PCDHGA1: variants seen among roughly 807,000 people sequenced by gnomAD.
The protein encoded by PCDHGA1 is protocadherin gamma-A1.
A neutral mutation model predicts 58.0 loss-of-function variants in PCDHGA1; 32 were observed. The ratio of observed to expected loss-of-function variants is 0.55; its 90% CI spans 0.42 to 0.74. The LOEUF is 0.74. Among genes scored for constraint, PCDHGA1 ranks in the 30% least tolerant of loss-of-function variants. PCDHGA1 has a pLI of 0.00. For synonymous variants in PCDHGA1, 498 were observed against 501.1 expected, an observed-to-expected ratio of 0.99 and a Z score of 0.08; for missense variants, 1,205 against 1,182.3, an observed-to-expected ratio of 1.02 and a Z score of -0.28.
rs369942815 is a variant in PCDHGA1, at chr5:141,485,334, T to A, written c.2422-9473T>A. 5.4e-5 allele frequency: 87 copies of A among 1,614,056 alleles called. No individual in the cohort carries two copies. Among genetic ancestry groups the A allele is most frequent in the Non-Finnish European group, 7.0e-5 (83 of 1,180,026 alleles). On this transcript the variant is annotated intron_variant, in intron 1 of 3. Coordinates refer to ENST00000517417, the MANE Select transcript of PCDHGA1 (RefSeq NM_018912.3). The surrounding 1 kb of genome is among the most constrained non-coding windows in gnomAD (Gnocchi z 5.7). Reference sequence around the variant, plus strand: ...GGGAATGTCGCTCAAGATTTCCTGCTGGATACGGACAGTCTGTCAGCTCGC... The same window carrying A: ...GGGAATGTCGCTCAAGATTTCCTGCAGGATACGGACAGTCTGTCAGCTCGC...
At chr5:141,497,595 A>C (rs973413640) in intron 2 of PCDHGA1, among the ~76,000 whole-genome samples, 1 of 147,414 alleles carries the variant, frequency 6.8e-6, no homozygotes, top group East Asian at 2.0e-4. Context: ...GCTGGAGTGC[A>C]GTGGTGCGAT....
intron 1 of PCDHGA1, among the ~76,000 whole-genome samples, chr5:141,456,714 C>T (rs1456452530): frequency 6.6e-6 from 1 of 152,176 alleles, no homozygotes; most frequent in Non-Finnish European, 1.5e-5. Flanking sequence ...CCTGTAATCC[C>T]AGCACTTTGG....
chr5:141,370,319 C>T (rs1357424627), intron 1 of PCDHGA1: 1 of 1,336,732 alleles, frequency 7.5e-7, no homozygotes, highest in Non-Finnish European at 1.0e-6. Context: ...ATAGTTGGTC[C>T]TGCTCGGAGA....
rs372096658 is a variant in PCDHGA1, at chr5:141,405,073, C to T, written c.2421+71968C>T. On this transcript the variant is annotated intron_variant, in intron 1 of 3. Coordinates refer to ENST00000517417, the MANE Select transcript of PCDHGA1 (RefSeq NM_018912.3). The stretch of plus-strand genomic sequence containing the variant: ...TCGTCTCCTGTGTCTTCCTCACCTT[C>T]GTTATCACGCTGCTGGCCCTCAGGC... The T allele has an allele frequency of 1.1e-5, 17 of 1,613,880 alleles. No individual in the cohort carries two copies. In the East Asian group the frequency reaches 1.3e-4, roughly 13 times the overall value.
chr5:141,383,810 T>C (rs879645741), intron 1 of PCDHGA1: 2 of 1,613,958 alleles, frequency 1.2e-6, no homozygotes, highest in Non-Finnish European at 8.5e-7. Context: ...ATATCAACTT[T>C]AGAAGGATTA....
At chr5:141,469,671 A>T (rs1285283342) in intron 1 of PCDHGA1, among the ~76,000 whole-genome samples, 3 of 152,236 alleles carry the variant, frequency 2.0e-5, no homozygotes, top group Admixed American at 1.3e-4. Flanking sequence ...TTCTAATAAA[A>T]CTACATATGC....
intron 1 of PCDHGA1, 63 bp from the exon 2 acceptor site, chr5:141,494,744 G>T: frequency 6.2e-7 from 1 of 1,612,702 alleles, no homozygotes; most frequent in South Asian, 1.1e-5. Flanking sequence ...CATCCCTAGG[G>T]GCTCGGGTGA....
At chr5:141,423,975 A>G in intron 1 of PCDHGA1, 2 of 1,126,024 alleles carry the variant, frequency 1.8e-6, no homozygotes, top group Non-Finnish European at 2.2e-6. Flanking sequence ...TTATCAGTGT[A>G]TGAGGCTCTC....
intron 1 of PCDHGA1, chr5:141,338,779 C>A: frequency 1.5e-6 from 2 of 1,298,908 alleles, no homozygotes; most frequent in Non-Finnish European, 9.7e-7. Context: ...ATACGGCTCC[C>A]ACAGCACAAG....
rs748189764 is a variant in PCDHGA1 at position 141,404,578 on chromosome 5, T to G, written c.2421+71473T>G. 1.9e-6 allele frequency: 3 copies of G among 1,613,950 alleles called. No homozygotes were observed. The Admixed American group carries it at 5.0e-5, about 27-fold the overall frequency. On this transcript the variant is annotated intron_variant, in intron 1 of 3. Coordinates refer to ENST00000517417, the MANE Select transcript of PCDHGA1 (RefSeq NM_018912.3). ...CAAGTGACAGTGGAAGCCCACCACTTAGCAGCAATGTGTCATTGAGACTGT... is the reference window on the plus strand; with the variant it reads ...CAAGTGACAGTGGAAGCCCACCACTGAGCAGCAATGTGTCATTGAGACTGT...
At chr5:141,375,056 CCAGGT>C in intron 1 of PCDHGA1, 2 of 1,613,966 alleles carry the variant, frequency 1.2e-6, no homozygotes, top group Non-Finnish European at 1.7e-6. Flanking sequence ...CCGGGATGGG[CCAGGT>C]CTTCGAGACA....
intron 1 of PCDHGA1, chr5:141,428,009 A>G (rs778602169): frequency 3.7e-6 from 6 of 1,602,358 alleles, no homozygotes; most frequent in African/African-American, 2.7e-5. Context: ...TCTTCGATAT[A>G]GTGCCACGCG....
intron 1 of PCDHGA1, chr5:141,366,644 C>G (rs759831298): frequency 3.7e-6 from 6 of 1,614,268 alleles, no homozygotes; most frequent in Non-Finnish European, 5.1e-6. Flanking sequence ...GATCTTTCCC[C>G]AGCCCAACTA....
At chr5:141,372,101 C>T (rs984585015) in intron 1 of PCDHGA1, 8 of 1,613,794 alleles carry the variant, frequency 5.0e-6, no homozygotes, top group Middle Eastern at 1.7e-4. Context: ...CTCTGGGGCC[C>T]GAAGGCTCTG....
At chr5:141,419,378 G>A in intron 1 of PCDHGA1, 3 of 1,613,710 alleles carry the variant, frequency 1.9e-6, no homozygotes, top group Non-Finnish European at 2.5e-6. Context: ...CTACGTGTCC[G>A]TGAGCGCGCA....
intron 1 of PCDHGA1, chr5:141,422,953 G>A: frequency 6.2e-7 from 1 of 1,614,232 alleles, no homozygotes; most frequent in Non-Finnish European, 8.5e-7. Context: ...CTCCACTGGC[G>A]TGGAGCTGGC....
At chr5:141,381,099 T>C (rs1284355665) in intron 1 of PCDHGA1, among the ~76,000 whole-genome samples, 1 of 152,230 alleles carries the variant, frequency 6.6e-6, no homozygotes, top group East Asian at 1.9e-4. Flanking sequence ...AAACAGAATG[T>C]CCTTCAAAGT....
intron 1 of PCDHGA1, among the ~76,000 whole-genome samples, chr5:141,335,102 T>G (rs76787010): frequency 1.3e-5 from 2 of 152,228 alleles, no homozygotes; most frequent in East Asian, 3.8e-4. Flanking sequence ...TTGCTGTGTG[T>G]CTGTTGCATT....
chr5:141,345,474 A>G, intron 1 of PCDHGA1: 1 of 1,613,978 alleles, frequency 6.2e-7, no homozygotes, highest in Non-Finnish European at 8.5e-7. Context: ...GGACCCAGAT[A>G]GCAACAACAA....
Sources: allele counts gnomAD v4.1 joint callset (sites outside exome capture counted in the v4.1 genomes callset), GRCh38; gene constraint gnomAD v4.1.1; non-coding constraint Gnocchi (gnomAD v3.1); transcripts MANE v1.5; gene names NCBI Gene and HGNC (gene_info 2026-07-23, HGNC 2026-07-21).